MAN2B2: variants seen among roughly 807,000 people sequenced by gnomAD.
MAN2B2 encodes epididymis-specific alpha-mannosidase.
Under a neutral mutation model 117.1 loss-of-function variants are expected in MAN2B2, and 106 were observed. The observed-to-expected ratio is 0.90, with a 90% CI of 0.77 to 1.06. The LOEUF is 1.06. MAN2B2 is among the 50% of genes least tolerant of loss of function. The pLI is 0.00. For synonymous variants in MAN2B2, 544 were observed against 595.1 expected (o/e 0.91, Z 1.25); for missense variants, 1,326 against 1,381.4 (o/e 0.96, Z 0.64).
chr4:6,585,938 G>T (rs1444188547), intron 3 of MAN2B2, among the ~76,000 whole-genome samples: 1 of 152,202 alleles, frequency 6.6e-6, no homozygotes, highest in Non-Finnish European at 1.5e-5. Context: ...GGGTACACAG[G>T]TACTTCTGCT....
chr4:6,594,797 T>C, intron 7 of MAN2B2, 65 bp downstream of exon 7: 3 of 1,485,712 alleles, frequency 2.0e-6, no homozygotes, highest in African/African-American at 2.8e-5. Context: ...ACGTACCCTC[T>C]GCCCACTTCA....
chr4:6,593,534 C>G (rs747941862), intron 6 of MAN2B2, among the ~76,000 whole-genome samples, 184 bp downstream of exon 6: 1 of 152,228 alleles, frequency 6.6e-6, no homozygotes, highest in African/African-American at 2.4e-5. Context: ...CCTCCCCCAC[C>G]TGGAAAAGCA....
chr4:6,606,804 G>A (rs529397587), intron 11 of MAN2B2, among the ~76,000 whole-genome samples: 1 of 152,296 alleles, frequency 6.6e-6, no homozygotes, highest in African/African-American at 2.4e-5. Context: ...AAGGGCATAG[G>A]GGAGGTTGCT....
chr4:6,603,434 G>A (rs969570357), intron 10 of MAN2B2, among the ~76,000 whole-genome samples: 2 of 152,114 alleles, frequency 1.3e-5, no homozygotes, highest in Admixed American at 6.5e-5. Flanking sequence ...GTGGTGACTC[G>A]GGAGCCAGGG....
At chr4:6,619,891 G>T (rs376696266) in intron 17 of MAN2B2, 36 bp from the exon 18 acceptor site, 26 of 1,580,890 alleles carry the variant, frequency 1.6e-5, no homozygotes, top group Admixed American at 3.3e-5. Flanking sequence ...CTGGAACTTG[G>T]TGCAGCTCAC....
rs543774932 is a variant in MAN2B2, at chr4:6,590,775, T to C, written c.680+1615T>C. On this transcript the variant is annotated intron_variant, in intron 5 of 18. Coordinates refer to ENST00000285599, the MANE Select transcript of MAN2B2 (RefSeq NM_015274.3). ...TTCCTGACGTGGCCTGGCTTTGTTG[T>C]TGGGGCTTTGGCACAAGGCTTCGTC... is the stretch of plus-strand genomic sequence containing the variant. Among the ~76,000 whole-genome samples, 5 of 152,340 alleles carry C rather than the reference T, an allele frequency of 3.3e-5. No individual in the cohort carries two copies. In the South Asian group the frequency reaches 8.3e-4, roughly 25 times the overall value.
intron 6 of MAN2B2, 129 bp downstream of exon 6, chr4:6,593,479 T>A (rs1439476897): frequency 1.1e-6 from 1 of 922,026 alleles, no homozygotes; most frequent in Non-Finnish European, 1.5e-6. Context: ...AGTGGCTCCA[T>A]CCTCCTTCCC....
chr4:6,606,479 T>C (rs1424809814), intron 11 of MAN2B2, among the ~76,000 whole-genome samples: 2 of 152,214 alleles, frequency 1.3e-5, no homozygotes, highest in Middle Eastern at 3.2e-3. Context: ...GCCCTGTCCG[T>C]TCCTCACTCA....
At chr4:6,602,915 A>G (rs768520394) in intron 10 of MAN2B2, among the ~76,000 whole-genome samples, 6 of 152,000 alleles carry the variant, frequency 3.9e-5, no homozygotes, top group Non-Finnish European at 7.4e-5. Context: ...GCCTCAAGCA[A>G]TCCTCCCACC....
intron 5 of MAN2B2, among the ~76,000 whole-genome samples, chr4:6,592,122 C>T (rs951260107): frequency 9.2e-5 from 14 of 152,214 alleles, no homozygotes; most frequent in African/African-American, 3.4e-4. Context: ...GCACTCTGCC[C>T]TGGCCAGGTG....
At chr4:6,605,841 C>T (rs1251934710) in intron 11 of MAN2B2, among the ~76,000 whole-genome samples, 1 of 152,004 alleles carries the variant, frequency 6.6e-6, no homozygotes, top group East Asian at 1.9e-4. Flanking sequence ...CCCACCCATT[C>T]ATCATCCATC....
chr4:6,587,858 G>A (rs1224953897), intron 4 of MAN2B2, among the ~76,000 whole-genome samples: 2 of 149,610 alleles, frequency 1.3e-5, no homozygotes, highest in African/African-American at 5.0e-5. Flanking sequence ...GGGTTCAAGC[G>A]ATTATTGTGC....
At chr4:6,591,123 G>A (rs916632481) in intron 5 of MAN2B2, among the ~76,000 whole-genome samples, 1 of 152,058 alleles carries the variant, frequency 6.6e-6, no homozygotes, top group Non-Finnish European at 1.5e-5. Flanking sequence ...TCCAGCCTGG[G>A]TGACAGAATC....
At chr4:6,617,315 T>A in intron 16 of MAN2B2, 65 bp from the exon 17 acceptor site, 1 of 1,252,910 alleles carries the variant, frequency 8.0e-7, no homozygotes, top group East Asian at 2.3e-5. Context: ...GCAGCGGGTA[T>A]AGACCAGGGA....
At position 6,575,196 on chromosome 4, in the gene MAN2B2, C is replaced by T; in HGVS notation, c.-15C>T. 1 of 1,405,618 alleles carries T rather than the reference C, an allele frequency of 7.1e-7. No homozygotes were observed. Among genetic ancestry groups the T allele is most frequent in the Non-Finnish European group, 9.7e-7 (1 of 1,035,824 alleles). 87.1% of individuals were successfully genotyped at this position (1,405,618 alleles called of 1,614,324 possible). On this transcript the variant is annotated 5_prime_UTR_variant, in exon 1 of 19. Transcript: ENST00000285599. ...CCCGGAAGTGGGCCTGGCACCTTCC[C>T]GGCCTGCCGCAGGGATGGGGCAGCT...
chr4:6,612,045 C>A (rs1711594444), intron 15 of MAN2B2, among the ~76,000 whole-genome samples: 1 of 152,250 alleles, frequency 6.6e-6, no homozygotes, highest in South Asian at 2.1e-4. Context: ...GCCATTCTCA[C>A]TAATCCTTAA....
At chr4:6,579,144 C>T (rs1370408213) in intron 3 of MAN2B2, among the ~76,000 whole-genome samples, 2 of 72,974 alleles carry the variant, frequency 2.7e-5, no homozygotes, top group East Asian at 6.4e-4. Flanking sequence ...ACCACCATCA[C>T]CACCACCATC....
chr4:6,609,789 C>T lies in MAN2B2; in HGVS notation c.2007-9C>T. ...GAGCTTCACTTACTGATGCTCCCTT[C>T]TCCTCCAGGAACATGACAGCACAGA... is the stretch of plus-strand genomic sequence containing the variant. On this transcript the variant is annotated splice_polypyrimidine_tract_variant and intron_variant, in intron 12 of 18. Coordinates refer to ENST00000285599, the MANE Select transcript of MAN2B2 (RefSeq NM_015274.3). 1 of 1,578,736 alleles carries T rather than the reference C, an allele frequency of 6.3e-7. No homozygotes were observed. The highest frequency in any genetic ancestry group is 8.6e-7 in the Non-Finnish European group (1 of 1,156,502).
At chr4:6,601,579 A>C (rs1423637829) in intron 10 of MAN2B2, among the ~76,000 whole-genome samples, 1 of 151,920 alleles carries the variant, frequency 6.6e-6, no homozygotes, top group Non-Finnish European at 1.5e-5. Flanking sequence ...GGGAGGGCCT[A>C]GCATCCCAGC....
Sources: allele counts gnomAD v4.1 joint callset (sites outside exome capture counted in the v4.1 genomes callset), GRCh38; gene constraint gnomAD v4.1.1; transcripts MANE v1.5; gene names NCBI Gene and HGNC (gene_info 2026-07-23, HGNC 2026-07-21).